Variants in ME2 observed in about 807,000 individuals in gnomAD.
ME2 encodes malic enzyme 2.
ME2 carries 60 observed loss-of-function variants against 73.7 expected under a neutral mutation model. The observed-to-expected ratio is 0.81, with a 90% CI of 0.66 to 1.01. The LOEUF (loss-of-function observed/expected upper bound fraction) is 1.01, where lower values mean the gene tolerates loss of function less well. Among genes scored for constraint, ME2 ranks in the 50% least tolerant of loss-of-function variants. ME2 has a pLI of 0.00. For synonymous variants in ME2, 199 were observed against 236.9 expected (o/e 0.84, Z 1.47); for missense variants, 594 against 705.5 (o/e 0.84, Z 1.79).
Position 50,953,074 on chromosome 18 carries a change from T to C in ME2, c.*5890T>C, listed in dbSNP as rs661327. 0.15 allele frequency: 22,282 copies of C among 151,204 alleles called. 2,983 individuals are homozygous for C. Among genetic ancestry groups the C allele is most frequent in the African/African-American group, 0.36 (14,662 of 40,940 alleles). 9.4% of individuals were successfully genotyped at this position (151,204 alleles called of 1,614,324 possible). Reference sequence around the variant, plus strand: ...TACCTTCATGAATTGTTACTTCAGATGAGAATTCTCACTTATTCTTTTTTT... The same window carrying C: ...TACCTTCATGAATTGTTACTTCAGACGAGAATTCTCACTTATTCTTTTTTT... On this transcript the variant is annotated 3_prime_UTR_variant, in exon 16 of 16. Coordinates refer to ENST00000321341, the MANE Select transcript of ME2 (RefSeq NM_002396.5).
chr18:50,898,456 G>T (rs1271739697), intron 2 of ME2, among the ~76,000 whole-genome samples: 2 of 151,958 alleles, frequency 1.3e-5, no homozygotes, highest in African/African-American at 4.8e-5. Context: ...TTTGAGACAG[G>T]TTCTCACTCT....
intron 12 of ME2, among the ~76,000 whole-genome samples, 196 bp from the exon 13 acceptor site, chr18:50,932,062 A>G (rs191449471): frequency 1.1e-4 from 17 of 152,304 alleles, no homozygotes; most frequent in Admixed American, 3.9e-4. Flanking sequence ...TATTTATTGA[A>G]TGTATACTAC....
chr18:50,892,863 C>T (rs954622254), intron 1 of ME2, among the ~76,000 whole-genome samples: 4 of 152,036 alleles, frequency 2.6e-5, no homozygotes, highest in African/African-American at 4.8e-5. Flanking sequence ...CAGTGGCTCA[C>T]GCCTGTAATC....
rs1448952681 is a variant in ME2, at chr18:50,911,386, T to C, written c.243-1415T>C. On this transcript the variant is annotated intron_variant, in intron 3 of 15. Transcript: ENST00000321341. ...TCACCAAATATTTGCACACCAGTTA[T>C]ATGCCACATATTGCTATTAATAGTT... 2.6e-5 allele frequency among the ~76,000 whole-genome samples: 4 copies of C among 152,196 alleles called. No homozygotes were observed. In the East Asian group the frequency reaches 7.7e-4, roughly 29 times the overall value.
intron 5 of ME2, chr18:50,916,844 A>G (rs1917295920): frequency 6.6e-6 from 1 of 152,356 alleles, no homozygotes; most frequent in Non-Finnish European, 1.5e-5. Context: ...TGAATACTCT[A>G]GCAAAAATTT....
chr18:50,945,451 T>A (rs1918061962), intron 15 of ME2, among the ~76,000 whole-genome samples: 1 of 152,190 alleles, frequency 6.6e-6, no homozygotes, highest in Non-Finnish European at 1.5e-5. Context: ...AGATCTTTAT[T>A]GCAGTTACCT....
chr18:50,943,288 AATTTATTT>A (rs201417906), intron 15 of ME2, among the ~76,000 whole-genome samples: 3 of 151,494 alleles, frequency 2.0e-5, no homozygotes, highest in Non-Finnish European at 2.9e-5. Context: ...TTGACTATTA[AATTTATTT>A]ATTTATTTAT....
At chr18:50,899,996 C>T (rs756108975) in intron 2 of ME2, among the ~76,000 whole-genome samples, 1 of 152,074 alleles carries the variant, frequency 6.6e-6, no homozygotes, top group Non-Finnish European at 1.5e-5. Context: ...GTTTTGTTTC[C>T]AGAAAATAAG....
At chr18:50,904,293 T>TTCTGGGACAGAGTCTCACTCTGTC (rs1293413122) in intron 2 of ME2, among the ~76,000 whole-genome samples, 1 of 151,584 alleles carries the variant, frequency 6.6e-6, no homozygotes, top group African/African-American at 2.4e-5. Context: ...TTTTTTTTTT[T>TTCTGGGACAGAGTCTCACTCTGTC]TCTGGGACAG....
Position 50,918,153 on chromosome 18 carries a change from G to A in ME2, c.674G>A (p.Arg225Gln), listed in dbSNP as rs201097322. 11 of 1,608,580 alleles carry A rather than the reference G, an allele frequency of 6.8e-6. No homozygotes were observed. The highest frequency in any genetic ancestry group is 6.6e-5 in the South Asian group (6 of 90,328). The change falls in exon 7 of 16, where the codon CGA (arginine) becomes CAA (glutamine). Residue 225 changes from arginine (R) to glutamine (Q), a missense_variant. Arg to Gln is a conservative substitution (Grantham distance 43). Coordinates refer to ENST00000321341, the MANE Select transcript of ME2 (RefSeq NM_002396.5). ...TTTTACATGGGCTTGTACCAGAAACGAGATCGCACACAACAGTATGATGAC... is the reference window on the plus strand; with the variant it reads ...TTTTACATGGGCTTGTACCAGAAACAAGATCGCACACAACAGTATGATGAC... ...DPFYMGLYQK[R>Q]DRTQQYDDLI...
intron 11 of ME2, 23 bp from the exon 12 acceptor site, chr18:50,925,732 GT>G (rs756511902): frequency 6.2e-7 from 1 of 1,610,322 alleles, no homozygotes; most frequent in South Asian, 1.1e-5. Flanking sequence ...TGAAGTTGCT[GT>G]TTTTCCCCCT....
intron 1 of ME2, among the ~76,000 whole-genome samples, chr18:50,889,111 T>G (rs951546280): frequency 7.2e-5 from 11 of 152,204 alleles, no homozygotes; most frequent in Admixed American, 4.6e-4. Flanking sequence ...TCTTATTCCT[T>G]CTGTCAAGTT....
intron 2 of ME2, among the ~76,000 whole-genome samples, chr18:50,901,774 G>T (rs534526436): frequency 2.6e-4 from 39 of 152,284 alleles, no homozygotes; most frequent in African/African-American, 9.1e-4. Flanking sequence ...TGTGTTGGCT[G>T]CCTTAGCAAG....
At chr18:50,881,343 C>T (rs1285906882) in intron 1 of ME2, among the ~76,000 whole-genome samples, 1 of 151,976 alleles carries the variant, frequency 6.6e-6, no homozygotes, top group Admixed American at 6.6e-5. Flanking sequence ...GGTGAACTAG[C>T]CGTATTTTAA....
intron 1 of ME2, among the ~76,000 whole-genome samples, chr18:50,895,475 A>G (rs1916715892): frequency 6.6e-6 from 1 of 152,144 alleles, no homozygotes; most frequent in South Asian, 2.1e-4. Context: ...TTAAAATGGA[A>G]CTCACTTTGC....
chr18:50,921,007 T>C (rs1473219901), intron 9 of ME2, 67 bp from the exon 10 acceptor site: 18 of 789,236 alleles, frequency 2.3e-5, no homozygotes, highest in Non-Finnish European at 3.0e-5. Flanking sequence ...ATAATCTTCA[T>C]ATATAAAGTA....
intron 1 of ME2, among the ~76,000 whole-genome samples, chr18:50,884,914 G>C (rs1219424703): frequency 2.6e-5 from 4 of 151,988 alleles, no homozygotes; most frequent in Non-Finnish European, 5.9e-5. Context: ...CAGTGCAGTG[G>C]TGCAATCTCG....
At chr18:50,903,606 C>T (rs773088251) in intron 2 of ME2, among the ~76,000 whole-genome samples, 1 of 152,122 alleles carries the variant, frequency 6.6e-6, no homozygotes, top group Non-Finnish European at 1.5e-5. Flanking sequence ...TGTGCCACCA[C>T]ACCTGGCTAA....
rs988474724 is a variant in ME2 at position 50,945,653 on chromosome 18, G to A, written c.1588-1364G>A. On this transcript the variant is annotated intron_variant, in intron 15 of 15. Coordinates refer to ENST00000321341, the MANE Select transcript of ME2 (RefSeq NM_002396.5). ...ATCTTATTCTGAGATTTTTCTTTTAGAAAGTTGAAATATGAAACTTTAATA... is the reference window on the plus strand; with the variant it reads ...ATCTTATTCTGAGATTTTTCTTTTAAAAAGTTGAAATATGAAACTTTAATA... Among the ~76,000 whole-genome samples the A allele has an allele frequency of 3.3e-5, 5 of 152,116 alleles. 1 individual carries two copies. Among genetic ancestry groups the A allele is most frequent in the Admixed American group, 3.3e-4 (5 of 15,278 alleles).
Sources: allele counts gnomAD v4.1 joint callset (sites outside exome capture counted in the v4.1 genomes callset), GRCh38; gene constraint gnomAD v4.1.1; transcripts MANE v1.5; gene names NCBI Gene and HGNC (gene_info 2026-07-23, HGNC 2026-07-21).